Variants in PTPRD observed in about 807,000 individuals in gnomAD.
The protein encoded by PTPRD is receptor-type tyrosine-protein phosphatase delta.
PTPRD carries 34 observed loss-of-function variants against 214.5 expected under a neutral mutation model. The observed-to-expected ratio is 0.16, with a 90% CI of 0.12 to 0.21. The LOEUF is 0.21. PTPRD is among the 10% of genes least tolerant of loss of function. The pLI is 1.00. For missense variants in PTPRD, 2,545 were observed against 2,398.7 expected, an observed-to-expected ratio of 1.06 and a Z score of -1.27; for synonymous variants, 1,128 against 845.7, an observed-to-expected ratio of 1.33 and a Z score of -5.79.
chr9:10,518,529 T>C (rs990290938), intron 2 of PTPRD, among the ~76,000 whole-genome samples: 6 of 152,060 alleles, frequency 3.9e-5, no homozygotes, highest in Non-Finnish European at 8.8e-5. Context: ...GTTAAGATCA[T>C]TTACAATTTT....
At chr9:9,652,374 G>A (rs560109005) in intron 7 of PTPRD, among the ~76,000 whole-genome samples, 1 of 152,246 alleles carries the variant, frequency 6.6e-6, no homozygotes, top group East Asian at 1.9e-4. Context: ...ATGTAATTAT[G>A]TGTCCTTTTA....
chr9:9,286,870 C>G (rs1156863870), intron 9 of PTPRD, among the ~76,000 whole-genome samples: 1 of 73,946 alleles, frequency 1.4e-5, no homozygotes, highest in African/African-American at 4.8e-5. Flanking sequence ...CTTGAAACTA[C>G]TGAATATATA....
chr9:8,733,579 G>A (rs1395091632), intron 12 of PTPRD, among the ~76,000 whole-genome samples: 1 of 152,150 alleles, frequency 6.6e-6, no homozygotes, highest in Admixed American at 6.5e-5. Flanking sequence ...AAGAAAAGGG[G>A]CATTAAAACG....
Position 8,957,783 on chromosome 9 carries a change from T to A in PTPRD, c.-104+60914A>T, listed in dbSNP as rs544206938. On this transcript the variant is annotated intron_variant, in intron 11 of 45. Coordinates refer to ENST00000381196, the MANE Select transcript of PTPRD (RefSeq NM_002839.4). ...GAGCTTACATGATCTCATATCTTAGTGGCCTAATGCTGAGTATGCAAGTGC... is the reference window on the plus strand; with the variant it reads ...GAGCTTACATGATCTCATATCTTAGAGGCCTAATGCTGAGTATGCAAGTGC... 2.0e-5 allele frequency among the ~76,000 whole-genome samples: 3 copies of A among 151,922 alleles called. No individual in the cohort carries two copies. The South Asian group carries it at 6.2e-4, about 31-fold the overall frequency.
chr9:8,894,355 C>CAAAAAAA (rs34776407), intron 11 of PTPRD, among the ~76,000 whole-genome samples: 4 of 74,446 alleles, frequency 5.4e-5, no homozygotes, highest in Admixed American at 1.6e-4. Context: ...GACTCCATCT[C>CAAAAAAA]AAAAAAAAAA....
intron 3 of PTPRD, among the ~76,000 whole-genome samples, chr9:10,074,369 C>T (rs1234648772): frequency 6.6e-6 from 1 of 152,064 alleles, no homozygotes; most frequent in East Asian, 1.9e-4. Flanking sequence ...TGTCTAGAAA[C>T]ACAGAAATAA....
At chr9:9,099,838 T>C (rs548598003) in intron 10 of PTPRD, among the ~76,000 whole-genome samples, 1 of 152,254 alleles carries the variant, frequency 6.6e-6, no homozygotes, top group East Asian at 1.9e-4. Flanking sequence ...ATCAAACTCA[T>C]TGCTTTTGCA....
chr9:9,198,760 A>G (rs779229073), intron 9 of PTPRD, among the ~76,000 whole-genome samples: 4 of 152,212 alleles, frequency 2.6e-5, no homozygotes, highest in Non-Finnish European at 5.9e-5. Context: ...GTCCATAATC[A>G]GTGTCTTACC....
chr9:10,150,884 TC>T (rs1462346582), intron 3 of PTPRD, among the ~76,000 whole-genome samples: 2 of 151,908 alleles, frequency 1.3e-5, no homozygotes, highest in Admixed American at 1.3e-4. Flanking sequence ...TTTTATAGTA[TC>T]CCCAAATTCT....
chr9:9,335,605 A>T (rs2044128143), intron 9 of PTPRD, among the ~76,000 whole-genome samples: 1 of 152,122 alleles, frequency 6.6e-6, no homozygotes, highest in South Asian at 2.1e-4. Flanking sequence ...TGAATTTAAC[A>T]GTGTTAAAAT....
At chr9:9,305,382 C>T (rs1474271987) in intron 9 of PTPRD, among the ~76,000 whole-genome samples, 1 of 151,876 alleles carries the variant, frequency 6.6e-6, no homozygotes, top group Non-Finnish European at 1.5e-5. Context: ...TTTATTTGGG[C>T]TCTATTTAGT....
chr9:10,294,098 G>A (rs1431747691), intron 3 of PTPRD, among the ~76,000 whole-genome samples: 2 of 151,846 alleles, frequency 1.3e-5, no homozygotes, highest in African/African-American at 4.8e-5. Context: ...GAAACATTTG[G>A]CTGAATTGGT....
At chr9:9,021,404 G>C (rs192320251) in intron 10 of PTPRD, among the ~76,000 whole-genome samples, 1 of 152,202 alleles carries the variant, frequency 6.6e-6, no homozygotes, top group African/African-American at 2.4e-5. Context: ...TGCAGTTTTT[G>C]CCATTAAAAG....
At chr9:9,411,903 AG>A (rs922766131) in intron 8 of PTPRD, among the ~76,000 whole-genome samples, 8 of 152,234 alleles carry the variant, frequency 5.3e-5, no homozygotes, top group Non-Finnish European at 8.8e-5. Context: ...TGCAAGCAAG[AG>A]GGACCTGTGG....
At chr9:9,647,179 C>T (rs1380824349) in intron 7 of PTPRD, among the ~76,000 whole-genome samples, 1 of 152,080 alleles carries the variant, frequency 6.6e-6, no homozygotes, top group Non-Finnish European at 1.5e-5. Flanking sequence ...ATCTTTCCCC[C>T]CCCTCTTTCT....
At chr9:9,226,339 C>A (rs1307541848) in intron 9 of PTPRD, among the ~76,000 whole-genome samples, 1 of 151,774 alleles carries the variant, frequency 6.6e-6, no homozygotes, top group African/African-American at 2.4e-5. Flanking sequence ...GGGATTAAAG[C>A]AAATTTTACT....
At chr9:10,514,216 G>A (rs554345096) in intron 2 of PTPRD, among the ~76,000 whole-genome samples, 80 of 151,718 alleles carry the variant, frequency 5.3e-4, no homozygotes, top group African/African-American at 1.8e-3. Context: ...ATATTTACTT[G>A]TTCATTTTTG....
intron 2 of PTPRD, among the ~76,000 whole-genome samples, chr9:10,575,607 A>G (rs1355866027): frequency 6.6e-6 from 1 of 152,136 alleles, no homozygotes; most frequent in Non-Finnish European, 1.5e-5. Flanking sequence ...TGCATGACAG[A>G]CAATTCCATG....
chr9:8,924,800 G>A (rs868562288), intron 11 of PTPRD, among the ~76,000 whole-genome samples: 25 of 152,122 alleles, frequency 1.6e-4, no homozygotes, highest in Non-Finnish European at 1.9e-4. Context: ...AACTAGGCTA[G>A]AACATATATT....
Sources: allele counts gnomAD v4.1 joint callset (sites outside exome capture counted in the v4.1 genomes callset), GRCh38; gene constraint gnomAD v4.1.1; transcripts MANE v1.5; gene names NCBI Gene and HGNC (gene_info 2026-07-23, HGNC 2026-07-21).